The following PDE4D variants were observed in gnomAD, a reference collection of about 807,000 sequenced individuals.
PDE4D encodes phosphodiesterase 4D, also known as 3',5'-cyclic-AMP phosphodiesterase 4D.
A neutral mutation model predicts 87.4 loss-of-function variants in PDE4D; 24 were observed. That is an observed-to-expected ratio of 0.27 (90% confidence interval 0.20 to 0.39). PDE4D has a LOEUF of 0.39. Ranked by LOEUF, PDE4D falls within the 10% of genes least tolerant of loss-of-function variation. The probability of loss-of-function intolerance (pLI) is 1.00; values close to 1 mark genes in which losing one functional copy is unlikely to be tolerated. For synonymous variants in PDE4D, 384 were observed against 383.2 expected (o/e 1.00, Z -0.02); for missense variants, 714 against 1,041.0 (o/e 0.69, Z 4.32).
chr5:59,723,166 A>G (rs546391959), intron 1 of PDE4D, among the ~76,000 whole-genome samples: 1 of 152,218 alleles, frequency 6.6e-6, no homozygotes, highest in Admixed American at 6.6e-5. Context: ...ATCTGCATAT[A>G]CCTTCAATGT....
intron 1 of PDE4D, among the ~76,000 whole-genome samples, chr5:59,387,063 A>C (rs146785639): frequency 1.3e-5 from 2 of 152,334 alleles, no homozygotes; most frequent in Non-Finnish European, 1.5e-5. Context: ...TATCCTGCTG[A>C]AATTTGTCCA....
chr5:60,127,536 G>T, intron 2 of PDE4D: 3 of 450,684 alleles, frequency 6.7e-6, no homozygotes, highest in Non-Finnish European at 1.2e-5. Flanking sequence ...TAGATGCAGC[G>T]CATAACTGGA....
chr5:60,418,782 ACT>A (rs1742842133), intron 1 of PDE4D, among the ~76,000 whole-genome samples: 1 of 151,888 alleles, frequency 6.6e-6, no homozygotes, highest in Non-Finnish European at 1.5e-5. Flanking sequence ...TAAGTTACTA[ACT>A]CTAGTCACCC....
chr5:60,262,532 AT>A (rs1749757965), intron 1 of PDE4D: 1 of 152,178 alleles, frequency 6.6e-6, no homozygotes, highest in African/African-American at 2.4e-5. Flanking sequence ...TTAGCAGAAC[AT>A]TCCCAGGACA....
chr5:59,532,327 G>A (rs1177564545), intron 1 of PDE4D, among the ~76,000 whole-genome samples: 6 of 152,008 alleles, frequency 3.9e-5, no homozygotes, highest in Admixed American at 2.0e-4. Context: ...TAGTAGAGAT[G>A]GGTTTTCACC....
intron 1 of PDE4D, among the ~76,000 whole-genome samples, chr5:59,671,718 G>A (rs945012751): frequency 6.6e-5 from 10 of 151,386 alleles, no homozygotes; most frequent in African/African-American, 2.2e-4. Flanking sequence ...TGAGGTGGGA[G>A]GATCACTGGA....
chr5:59,401,623 T>C (rs258107), intron 1 of PDE4D, among the ~76,000 whole-genome samples: 102,765 of 151,942 alleles, frequency 0.68, 35,587 homozygotes, highest in African/African-American at 0.81. Context: ...GGTATTACAC[T>C]GAAATGTTAG....
chr5:60,277,144 C>T (rs1384129340), intron 1 of PDE4D, among the ~76,000 whole-genome samples: 1 of 151,594 alleles, frequency 6.6e-6, no homozygotes, highest in Non-Finnish European at 1.5e-5. Context: ...AAAATGATTA[C>T]TACAGTCAAA....
At chr5:59,408,760 T>C (rs1463622477) in intron 1 of PDE4D, among the ~76,000 whole-genome samples, 1 of 152,160 alleles carries the variant, frequency 6.6e-6, no homozygotes, top group Non-Finnish European at 1.5e-5. Context: ...AAGGAGATTA[T>C]TTTAGAACTT....
chr5:59,842,573 A>G (rs1301719768), intron 1 of PDE4D, among the ~76,000 whole-genome samples: 1 of 152,046 alleles, frequency 6.6e-6, no homozygotes. Flanking sequence ...ATAATTTTGT[A>G]TTATGTAAAG....
At chr5:60,161,349 A>G (rs1782459290) in intron 2 of PDE4D, among the ~76,000 whole-genome samples, 1 of 152,104 alleles carries the variant, frequency 6.6e-6, no homozygotes, top group South Asian at 2.1e-4. Flanking sequence ...TTTATCACCC[A>G]TGTCCCCCTT....
chr5:59,392,676 C>A (rs564177137), intron 1 of PDE4D, among the ~76,000 whole-genome samples: 1 of 152,086 alleles, frequency 6.6e-6, no homozygotes, highest in South Asian at 2.1e-4. Context: ...CTGTGAGGAG[C>A]TCAGAAGTCA....
chr5:60,267,139 C>T (rs999333538), intron 1 of PDE4D, among the ~76,000 whole-genome samples: 7 of 152,088 alleles, frequency 4.6e-5, no homozygotes, highest in Non-Finnish European at 7.3e-5. Context: ...CGTGTGTTTC[C>T]GTTACATTTA....
chr5:59,792,438 G>GTGTGTGTGTGTGTT (rs1491110404), intron 1 of PDE4D, among the ~76,000 whole-genome samples: 129 of 148,978 alleles, frequency 8.7e-4, no homozygotes, highest in African/African-American at 3.0e-3. Context: ...GTGTGTGTGT[G>GTGTGTGTGTGTGTT]TTTTGAGGAA....
chr5:59,891,196 T>C (rs998732158), intron 1 of PDE4D, among the ~76,000 whole-genome samples: 4 of 152,198 alleles, frequency 2.6e-5, no homozygotes, highest in Non-Finnish European at 5.9e-5. Context: ...GTAGAAAGCA[T>C]AGCAAAAAAT....
intron 1 of PDE4D, among the ~76,000 whole-genome samples, chr5:59,252,341 T>C (rs1760114240): frequency 6.6e-6 from 1 of 152,148 alleles, no homozygotes; most frequent in South Asian, 2.1e-4. Context: ...TTAATGGCCA[T>C]AGGCTTTGGT....
At chr5:59,754,472 G>A (rs1760927026) in intron 1 of PDE4D, among the ~76,000 whole-genome samples, 1 of 152,120 alleles carries the variant, frequency 6.6e-6, no homozygotes, top group East Asian at 1.9e-4. Context: ...AGTTATACAG[G>A]ATCCTACTCT....
At chr5:59,172,215 TATA>T (rs1359744329) in intron 5 of PDE4D, among the ~76,000 whole-genome samples, 1 of 103,722 alleles carries the variant, frequency 9.6e-6, no homozygotes, top group Non-Finnish European at 1.8e-5. Context: ...GTATATAATA[TATA>T]ATAAATATAT....
chr5:59,110,284 T>C (rs1281135875), intron 5 of PDE4D, among the ~76,000 whole-genome samples: 1 of 152,188 alleles, frequency 6.6e-6, no homozygotes, highest in Non-Finnish European at 1.5e-5. Context: ...GACTGCTTGG[T>C]TGAGGACAGA....
Sources: gnomAD v4.1 joint callset for allele counts (sites outside exome capture counted in the v4.1 genomes callset) on GRCh38, gnomAD v4.1.1 for gene constraint, MANE v1.5 for transcripts, NCBI Gene and HGNC (gene_info 2026-07-23, HGNC 2026-07-21) for gene names.